The following ADAMTS17 variants were observed in gnomAD, a reference collection of about 807,000 sequenced individuals.
The protein encoded by ADAMTS17 is ADAM metallopeptidase with thrombospondin type 1 motif 17.
A neutral mutation model predicts 141.5 loss-of-function variants in ADAMTS17; 113 were observed. That is an observed-to-expected ratio of 0.80 (90% confidence interval 0.69 to 0.93). The LOEUF (loss-of-function observed/expected upper bound fraction) is 0.93. ADAMTS17 is among the 40% of genes least tolerant of loss of function. The pLI is 0.00. For synonymous variants in ADAMTS17, 768 were observed against 630.6 expected, an observed-to-expected ratio of 1.22 and a Z score of -3.27; for missense variants, 1,659 against 1,517.9, an observed-to-expected ratio of 1.09 and a Z score of -1.54.
rs184536037 is a variant in ADAMTS17, at chr15:100,010,152, A to G, written c.2592-12563T>C. Among the ~76,000 whole-genome samples, 277 of 152,274 alleles carry G rather than the reference A, an allele frequency of 1.8e-3. 1 individual carries two copies. Among genetic ancestry groups the G allele is most frequent in the African/African-American group, 6.2e-3 (256 of 41,530 alleles). ...TTTGTTCTCTTTTGGCTTCTGCCATAACTGTGAGGCCTCCCCTGCCACGTG... is the reference window on the plus strand; with the variant it reads ...TTTGTTCTCTTTTGGCTTCTGCCATGACTGTGAGGCCTCCCCTGCCACGTG... On this transcript the variant is annotated intron_variant, in intron 18 of 21. Coordinates refer to ENST00000268070, the MANE Select transcript of ADAMTS17 (RefSeq NM_139057.4).
At chr15:100,332,891 C>G (rs76565505) in intron 2 of ADAMTS17, among the ~76,000 whole-genome samples, 4,736 of 152,230 alleles carry the variant, frequency 0.031, 155 homozygotes, top group East Asian at 0.16. Flanking sequence ...TGTGGCCAGG[C>G]TAGCACCAGG....
chr15:100,156,488 C>G (rs943646693), intron 8 of ADAMTS17, among the ~76,000 whole-genome samples: 1 of 152,296 alleles, frequency 6.6e-6, no homozygotes, highest in South Asian at 2.1e-4. Flanking sequence ...TTTGGGCTAG[C>G]GGGGCCCTCT....
At chr15:99,995,762 T>C (rs1326701601) in intron 19 of ADAMTS17, among the ~76,000 whole-genome samples, 1 of 152,174 alleles carries the variant, frequency 6.6e-6, no homozygotes, top group African/African-American at 2.4e-5. Flanking sequence ...GCGGCAGAAG[T>C]ACCAGCTTCG....
chr15:100,154,948 G>A (rs377150234), intron 9 of ADAMTS17, among the ~76,000 whole-genome samples: 28 of 152,200 alleles, frequency 1.8e-4, no homozygotes, highest in African/African-American at 5.5e-4. Context: ...CATTTGAGTC[G>A]ATCGGCAATT....
At chr15:100,048,215 G>A (rs1340878568) in intron 18 of ADAMTS17, among the ~76,000 whole-genome samples, 4 of 152,146 alleles carry the variant, frequency 2.6e-5, no homozygotes, top group African/African-American at 9.7e-5. Context: ...ATTCACAGCA[G>A]GACGGAAGGC....
At chr15:100,109,818 C>G (rs12905554) in intron 13 of ADAMTS17, among the ~76,000 whole-genome samples, 40,469 of 151,984 alleles carry the variant, frequency 0.27, 5,699 homozygotes, top group East Asian at 0.37. Context: ...CCTGGAAATC[C>G]CTCGCAGCAC....
chr15:100,296,153 T>C (rs2044801736), intron 3 of ADAMTS17, among the ~76,000 whole-genome samples: 1 of 152,132 alleles, frequency 6.6e-6, no homozygotes, highest in African/African-American at 2.4e-5. Flanking sequence ...AGCCAAGCAG[T>C]GAGCCGGCAG....
At chr15:100,037,784 T>C (rs1477452895) in intron 18 of ADAMTS17, among the ~76,000 whole-genome samples, 1 of 151,656 alleles carries the variant, frequency 6.6e-6, no homozygotes, top group Non-Finnish European at 1.5e-5. Flanking sequence ...TTGTCCTTTA[T>C]CTTTTTTTGA....
intron 3 of ADAMTS17, among the ~76,000 whole-genome samples, chr15:100,282,704 T>C (rs561061264): frequency 2.6e-5 from 4 of 151,986 alleles, no homozygotes; most frequent in Non-Finnish European, 5.9e-5. Flanking sequence ...ATATGGGTCG[T>C]AATTTACAAA....
intron 3 of ADAMTS17, among the ~76,000 whole-genome samples, chr15:100,289,397 T>A (rs2044552522): frequency 6.6e-6 from 1 of 152,188 alleles, no homozygotes; most frequent in South Asian, 2.1e-4. Context: ...AGCCAGATTC[T>A]ACCAGATGTA....
At chr15:100,043,471 G>A (rs937572465) in intron 18 of ADAMTS17, among the ~76,000 whole-genome samples, 12 of 152,142 alleles carry the variant, frequency 7.9e-5, no homozygotes, top group Admixed American at 2.6e-4. Flanking sequence ...TACATTCCCT[G>A]AGCTAATACC....
At chr15:100,094,232 GA>G (rs2141008503) in intron 15 of ADAMTS17, among the ~76,000 whole-genome samples, 1 of 152,368 alleles carries the variant, frequency 6.6e-6, no homozygotes, top group African/African-American at 2.4e-5. Context: ...CAGCTGGAAG[GA>G]CACACACTAG....
chr15:100,321,922 C>T (rs905772643), intron 3 of ADAMTS17, among the ~76,000 whole-genome samples: 2 of 152,152 alleles, frequency 1.3e-5, no homozygotes, highest in African/African-American at 2.4e-5. Flanking sequence ...TTCATTTATA[C>T]ATAAAACATT....
intron 8 of ADAMTS17, among the ~76,000 whole-genome samples, chr15:100,156,649 T>C (rs1209139299): frequency 6.6e-6 from 1 of 152,202 alleles, no homozygotes; most frequent in Non-Finnish European, 1.5e-5. Flanking sequence ...CAACGAAATA[T>C]GGGGACAAAC....
intron 18 of ADAMTS17, among the ~76,000 whole-genome samples, chr15:100,033,645 A>G (rs899949): frequency 0.17 from 26,407 of 152,166 alleles, 6,549 homozygotes; most frequent in African/African-American, 0.55. Context: ...AGGAGAGCAC[A>G]TGAGCTGAGA....
chr15:100,337,047 G>A (rs981229904), intron 2 of ADAMTS17, among the ~76,000 whole-genome samples: 1 of 152,108 alleles, frequency 6.6e-6, no homozygotes, highest in African/African-American at 2.4e-5. Flanking sequence ...CTAATTTTTT[G>A]TATCTTTAGT....
intron 7 of ADAMTS17, among the ~76,000 whole-genome samples, chr15:100,214,288 C>G (rs1009249440): frequency 1.3e-5 from 2 of 152,160 alleles, no homozygotes. Flanking sequence ...CTACCTTATG[C>G]TCATCGCACA....
intron 7 of ADAMTS17, among the ~76,000 whole-genome samples, chr15:100,225,336 A>G (rs1047860906): frequency 2.6e-5 from 4 of 152,270 alleles, no homozygotes; most frequent in Admixed American, 1.3e-4. Flanking sequence ...GTGCCAGCAC[A>G]TGGCTCAAAC....
intron 7 of ADAMTS17, among the ~76,000 whole-genome samples, chr15:100,252,814 G>A (rs902156824): frequency 6.6e-6 from 1 of 152,204 alleles, no homozygotes; most frequent in African/African-American, 2.4e-5. Context: ...CCGATGAAGT[G>A]TAATATATTA....
Sources: allele counts gnomAD v4.1 joint callset (sites outside exome capture counted in the v4.1 genomes callset), GRCh38; gene constraint gnomAD v4.1.1; transcripts MANE v1.5; gene names NCBI Gene and HGNC (gene_info 2026-07-23, HGNC 2026-07-21).